POLR3F: variants seen among roughly 807,000 people sequenced by gnomAD.
POLR3F encodes the protein RNA polymerase III subunit F.
In POLR3F, 31 loss-of-function variants were observed where a neutral mutation model predicts 43.6. That is an observed-to-expected ratio of 0.71 (90% CI 0.53 to 0.96). The LOEUF (loss-of-function observed/expected upper bound fraction) is 0.96. POLR3F is among the 40% of genes least tolerant of loss of function. The pLI is 0.00. For synonymous variants in POLR3F, 114 were observed against 132.5 expected, an observed-to-expected ratio of 0.86 and a Z score of 0.96; for missense variants, 316 against 391.7, an observed-to-expected ratio of 0.81 and a Z score of 1.63.
intron 2 of POLR3F, 33 bp downstream of exon 2, chr20:18,469,094 T>TG: frequency 1.1e-6 from 1 of 905,478 alleles, no homozygotes; most frequent in Non-Finnish European, 1.9e-6. Flanking sequence ...GCATAATTAC[T>TG]GATATGCTGA....
Position 18,473,422 on chromosome 20 carries a change from C to A in POLR3F, c.280C>A (p.Leu94Ile). Reference protein sequence around the residue: ...KMKGSDNQEKLVYQIIEDAGN... With the variant: ...KMKGSDNQEKIVYQIIEDAGN... Reference sequence around the variant, plus strand: ...GAAGGGATCCGATAACCAAGAAAAACTAGTATATCAAATCATAGAGGATGC... The same window carrying A: ...GAAGGGATCCGATAACCAAGAAAAAATAGTATATCAAATCATAGAGGATGC... Residue 94 changes from leucine to isoleucine, a missense_variant, in exon 4 of 9, where the codon CTA becomes ATA. Leu to Ile is a conservative substitution (Grantham distance 5). Coordinates refer to ENST00000377603, the MANE Select transcript of POLR3F (RefSeq NM_006466.4). 1 of 1,476,266 alleles carries A rather than the reference C, an allele frequency of 6.8e-7. No homozygotes were observed. The highest frequency in any genetic ancestry group is 9.5e-7 in the Non-Finnish European group (1 of 1,055,550). The allele number at this position is 1,476,266 out of a possible 1,614,324, so 91.4% of individuals were successfully genotyped here. A position where few individuals can be genotyped will look rare whatever the true frequency, so the allele number is the denominator to read the frequency against.
At chr20:18,472,660 G>C (rs1000617113) in intron 2 of POLR3F, among the ~76,000 whole-genome samples, 182 bp from the exon 3 acceptor site, 5 of 151,768 alleles carry the variant, frequency 3.3e-5, no homozygotes, top group African/African-American at 1.2e-4. Flanking sequence ...TTTATGCATT[G>C]ATCATATAAC....
In POLR3F at chr20:18,480,557, A is replaced by C. The variant is rs200613880; in HGVS notation, c.681+48A>C. ...TTTTTTAAAACTTATTCTTTGTCAC[A>C]TACAATGTATTCCAAACATGTATTT... On this transcript the variant is annotated intron_variant, in intron 7 of 8. Coordinates refer to ENST00000377603, the MANE Select transcript of POLR3F (RefSeq NM_006466.4). 2.9e-5 allele frequency: 31 copies of C among 1,064,136 alleles called. No individual in the cohort carries two copies. The African/African-American group carries it at 4.5e-4, about 15-fold the overall frequency. 65.9% of individuals were successfully genotyped at this position (1,064,136 alleles called of 1,614,324 possible). A position where few individuals can be genotyped will look rare whatever the true frequency, so the allele number is the denominator to read the frequency against.
chr20:18,475,890 A>G (rs2059777323), intron 5 of POLR3F, among the ~76,000 whole-genome samples: 1 of 152,248 alleles, frequency 6.6e-6, no homozygotes, highest in East Asian at 1.9e-4. Context: ...TAAGAATTAT[A>G]ACATCACTTA....
At chr20:18,473,492 T>C in intron 4 of POLR3F, 34 bp downstream of exon 4, 2 of 1,099,756 alleles carry the variant, frequency 1.8e-6, no homozygotes, top group Non-Finnish European at 2.8e-6. Context: ...GAAAAAAACA[T>C]TGTCTTTGGA....
At chr20:18,469,421 G>GCGACC in intron 2 of POLR3F, 2 of 181,488 alleles carry the variant, frequency 1.1e-5, no homozygotes, top group South Asian at 1.2e-4. Context: ...TTCAGACTTG[G>GCGACC]ACTGGTATCT....
intron 2 of POLR3F, chr20:18,470,528 C>T (rs1383950646): frequency 6.5e-6 from 1 of 154,856 alleles, no homozygotes; most frequent in Admixed American, 6.5e-5. Context: ...AGATTGCTCA[C>T]CCCTGTTCTA....
chr20:18,479,699 C>A (rs976062014), intron 5 of POLR3F, among the ~76,000 whole-genome samples: 1 of 152,136 alleles, frequency 6.6e-6, no homozygotes, highest in Admixed American at 6.5e-5. Flanking sequence ...GTTTGAGAAA[C>A]TGTCACAACT....
At chr20:18,467,977 A>G (rs1185139088) in intron 1 of POLR3F, among the ~76,000 whole-genome samples, 1 of 152,206 alleles carries the variant, frequency 6.6e-6, no homozygotes, top group African/African-American at 2.4e-5. Flanking sequence ...AGGCGGAGTT[A>G]GGGCGCAGTT....
At chr20:18,474,677 C>T (rs573473392) in intron 4 of POLR3F, among the ~76,000 whole-genome samples, 73 of 152,078 alleles carry the variant, frequency 4.8e-4, no homozygotes, top group Non-Finnish European at 9.3e-4. Flanking sequence ...TGCCATCAGG[C>T]CCGGCTAATT....
At chr20:18,472,020 C>T (rs6045426) in intron 2 of POLR3F, among the ~76,000 whole-genome samples, 125,717 of 152,164 alleles carry the variant, frequency 0.83, 52,229 homozygotes, top group South Asian at 0.91. Context: ...TAGCGTCCCT[C>T]TCAACTGTGG....
chr20:18,471,856 C>A (rs1329443600), intron 2 of POLR3F, among the ~76,000 whole-genome samples: 1 of 152,210 alleles, frequency 6.6e-6, no homozygotes, highest in African/African-American at 2.4e-5. Flanking sequence ...GTGGCATACA[C>A]CTGTAATGCT....
rs2059727276 is a variant in POLR3F, at chr20:18,468,855, A to T, written c.63-89A>T. On this transcript the variant is annotated intron_variant, in intron 1 of 8. Coordinates refer to ENST00000377603, the MANE Select transcript of POLR3F (RefSeq NM_006466.4). Reference sequence around the variant, plus strand: ...TGTCTGCCAAATGTGAAAAAGGCACAGTTTCAAACTATTCTACTTGTATTT... The same window carrying T: ...TGTCTGCCAAATGTGAAAAAGGCACTGTTTCAAACTATTCTACTTGTATTT... The T allele has an allele frequency of 9.9e-6, 7 of 708,020 alleles. No homozygotes were observed. The Middle Eastern group carries it at 1.5e-3, about 155-fold the overall frequency. 43.9% of individuals were successfully genotyped at this position (708,020 alleles called of 1,614,324 possible). A position where few individuals can be genotyped will look rare whatever the true frequency, so the allele number is the denominator to read the frequency against.
intron 6 of POLR3F, 21 bp from the exon 7 acceptor site, chr20:18,480,381 C>A: frequency 6.6e-7 from 1 of 1,506,672 alleles, no homozygotes; most frequent in Non-Finnish European, 9.2e-7. Flanking sequence ...ATTTACATTT[C>A]TTATGTTTCA....
rs1158104448 is a variant in POLR3F, at chr20:18,483,479, A to G, written c.874-2A>G. The G allele has an allele frequency of 2.8e-6, 4 of 1,424,774 alleles. No individual in the cohort carries two copies. Among genetic ancestry groups the G allele is most frequent in the South Asian group, 2.5e-5 (2 of 78,818 alleles). The allele number at this position is 1,424,774 out of a possible 1,614,324, so 88.3% of individuals were successfully genotyped here. A position where few individuals can be genotyped will look rare whatever the true frequency, so the allele number is the denominator to read the frequency against. ...AATATAATTTTTTTTTCTTTTTTAA[A>G]GGTTTTTGATGACTGCCACGAAGGT... On this transcript the variant is annotated splice_acceptor_variant, in intron 8 of 8. Transcript: ENST00000377603. LOFTEE classifies it high-confidence loss of function.
intron 5 of POLR3F, among the ~76,000 whole-genome samples, chr20:18,478,842 T>C (rs2059794049): frequency 6.6e-6 from 1 of 152,050 alleles, no homozygotes; most frequent in South Asian, 2.1e-4. Flanking sequence ...AAAATGAACA[T>C]GTAGAAAATG....
At chr20:18,468,229 A>G (rs56137904) in intron 1 of POLR3F, among the ~76,000 whole-genome samples, 1 of 152,026 alleles carries the variant, frequency 6.6e-6, no homozygotes, top group Admixed American at 6.6e-5. Flanking sequence ...GGCTCGCGCC[A>G]CCACGCCCAG....
In POLR3F at chr20:18,484,423, AGT is replaced by A; in HGVS notation, c.*867_*868del. 1 of 305,720 alleles carries A rather than the reference AGT, an allele frequency of 3.3e-6. No homozygotes were observed. The highest frequency in any genetic ancestry group is 6.0e-6 in the Non-Finnish European group (1 of 167,648). 18.9% of individuals were successfully genotyped at this position (305,720 alleles called of 1,614,324 possible). On this transcript the variant is annotated 3_prime_UTR_variant, in exon 9 of 9. Coordinates refer to ENST00000377603, the MANE Select transcript of POLR3F (RefSeq NM_006466.4). Reference sequence around the variant, plus strand: ...GTATTTGGAGGTGGGGCTTTTGGTAAGTGATAGGTCAGGAGAGTAACAGCGCT... The same window carrying A: ...GTATTTGGAGGTGGGGCTTTTGGTAAGATAGGTCAGGAGAGTAACAGCGCT...
At chr20:18,483,111 CTGGAGTGCAGTGGCACG>C (rs2059819244) in intron 8 of POLR3F, among the ~76,000 whole-genome samples, 1 of 152,046 alleles carries the variant, frequency 6.6e-6, no homozygotes, top group Admixed American at 6.6e-5. Context: ...GTCGCCCAGG[CTGGAGTGCAGTGGCACG>C]ATCTTGGCTC....
Sources: allele counts gnomAD v4.1 joint callset (sites outside exome capture counted in the v4.1 genomes callset), GRCh38; gene constraint gnomAD v4.1.1; transcripts MANE v1.5; gene names NCBI Gene and HGNC (gene_info 2026-07-23, HGNC 2026-07-21).